XIRP2: variants seen among roughly 807,000 people sequenced by gnomAD.
XIRP2 encodes the protein xin actin binding repeat containing 2, also known as xin actin-binding repeat-containing protein 2.
Under a neutral mutation model 277.0 loss-of-function variants are expected in XIRP2, and 236 were observed. That is an observed-to-expected ratio of 0.85 (90% CI 0.77 to 0.95). The LOEUF is 0.95. Among genes scored for constraint, XIRP2 ranks in the 40% least tolerant of loss-of-function variants. The probability of loss-of-function intolerance (pLI) is 0.00; values close to 1 mark genes in which losing one functional copy is unlikely to be tolerated. For missense variants in XIRP2, 4,640 were observed against 4,157.5 expected (o/e 1.12, Z -3.19); for synonymous variants, 1,490 against 1,416.5 (o/e 1.05, Z -1.17).
At chr2:166,975,205 TTTA>T (rs1403566926) in intron 2 of XIRP2, among the ~76,000 whole-genome samples, 1 of 152,190 alleles carries the variant, frequency 6.6e-6, no homozygotes, top group Non-Finnish European at 1.5e-5. Flanking sequence ...AGTTGATGAT[TTTA>T]ACAGCTTTCT....
At chr2:166,911,468 C>G (rs1368101991) in intron 2 of XIRP2, among the ~76,000 whole-genome samples, 5 of 152,146 alleles carry the variant, frequency 3.3e-5, no homozygotes, top group Non-Finnish European at 5.9e-5. Context: ...CTTGGTAGAT[C>G]TTCCTTCATC....
Position 167,258,870 on chromosome 2 carries a change from T to C in XIRP2, c.*1053T>C. 6.2e-7 allele frequency: 1 copy of C among 1,613,256 alleles called. No homozygotes were observed. Among genetic ancestry groups the C allele is most frequent in the Non-Finnish European group, 8.5e-7 (1 of 1,179,618 alleles). ...TCTGAAAAGACTTATTCGAGGAATG[T>C]ACTAGCAATGGCTCTGAAGAAACAG... On this transcript the variant is annotated 3_prime_UTR_variant, in exon 11 of 11. Coordinates refer to ENST00000409195, the MANE Select transcript of XIRP2 (RefSeq NM_152381.6).
intron 3 of XIRP2, among the ~76,000 whole-genome samples, chr2:167,194,601 G>T (rs1430607471): frequency 6.6e-6 from 1 of 152,050 alleles, no homozygotes; most frequent in South Asian, 2.1e-4. Context: ...GCCAGAAGAG[G>T]TTCCAAATGA....
chr2:167,039,462 C>T (rs1688605211), intron 2 of XIRP2, among the ~76,000 whole-genome samples: 1 of 152,136 alleles, frequency 6.6e-6, no homozygotes, highest in Admixed American at 6.6e-5. Flanking sequence ...AATTTTGAGG[C>T]AGGTCAAGAG....
At position 166,903,669 on chromosome 2, in the gene XIRP2, C is replaced by G; in HGVS notation, c.187C>G (p.Pro63Ala). 6.2e-7 allele frequency: 1 copy of G among 1,613,604 alleles called. No homozygotes were observed. The highest frequency in any genetic ancestry group is 8.5e-7 in the Non-Finnish European group (1 of 1,179,770). ...APQSLDPTSL[P>A]YSTGEEMWSS... Reference sequence around the variant, plus strand: ...TCAATCTTTGGATCCCACAAGTCTGCCCTACAGTACAGGGGAAGAGATGTG... The same window carrying G: ...TCAATCTTTGGATCCCACAAGTCTGGCCTACAGTACAGGGGAAGAGATGTG... Residue 63 changes from proline to alanine, a missense_variant, in exon 2 of 11, where the codon CCC becomes GCC. Pro to Ala is a conservative substitution (Grantham distance 27). Coordinates refer to ENST00000409195, the MANE Select transcript of XIRP2 (RefSeq NM_152381.6).
intron 2 of XIRP2, among the ~76,000 whole-genome samples, chr2:166,959,556 G>A (rs1686249597): frequency 6.6e-6 from 1 of 151,884 alleles, no homozygotes; most frequent in South Asian, 2.1e-4. Flanking sequence ...AAAGAAAACA[G>A]TATATAGGCA....
chr2:167,079,216 T>C (rs1310793283), intron 2 of XIRP2, among the ~76,000 whole-genome samples: 1 of 152,200 alleles, frequency 6.6e-6, no homozygotes, highest in Non-Finnish European at 1.5e-5. Flanking sequence ...GCCTACGTGA[T>C]TGTAGTGAAT....
chr2:167,036,419 A>G (rs1056491502), intron 2 of XIRP2, among the ~76,000 whole-genome samples: 15 of 152,126 alleles, frequency 9.9e-5, no homozygotes, highest in African/African-American at 3.1e-4. Context: ...TGGAGCTTTA[A>G]AATTTGACTG....
rs180990031 is a variant in XIRP2 at position 166,937,964 on chromosome 2, G to T, written c.408+34074G>T. Among the ~76,000 whole-genome samples, 322 of 151,758 alleles carry T rather than the reference G, an allele frequency of 2.1e-3. 3 individuals carry two copies. Among genetic ancestry groups the T allele is most frequent in the African/African-American group, 7.4e-3 (306 of 41,374 alleles). ...ATATCCCCTTTATCATTTTTTATTG[G>T]GTCTATTTGAATCTTCTCTCTTTTC... On this transcript the variant is annotated intron_variant, in intron 2 of 10. Coordinates refer to ENST00000409195, the MANE Select transcript of XIRP2 (RefSeq NM_152381.6).
chr2:167,027,482 G>T (rs1267585533), intron 2 of XIRP2, among the ~76,000 whole-genome samples: 1 of 151,814 alleles, frequency 6.6e-6, no homozygotes, highest in Non-Finnish European at 1.5e-5. Flanking sequence ...TAGTTTGATT[G>T]TCTGAAGCCT....
At chr2:167,216,200 A>G (rs1573966074) in intron 4 of XIRP2, among the ~76,000 whole-genome samples, 1 of 73,884 alleles carries the variant, frequency 1.4e-5, no homozygotes, top group Non-Finnish European at 2.7e-5. Context: ...CCTAGGCATT[A>G]CCATTCAGGA....
At chr2:167,212,716 T>C (rs1694090496) in intron 4 of XIRP2, among the ~76,000 whole-genome samples, 1 of 152,202 alleles carries the variant, frequency 6.6e-6, no homozygotes, top group African/African-American at 2.4e-5. Context: ...CTTCCCTAAA[T>C]GAGAAAGTAT....
intron 2 of XIRP2, among the ~76,000 whole-genome samples, chr2:166,929,423 C>G (rs1173765905): frequency 1.3e-5 from 2 of 152,046 alleles, no homozygotes; most frequent in Non-Finnish European, 2.9e-5. Flanking sequence ...TTTGTCCTTC[C>G]AAGATACCTC....
At chr2:167,027,216 T>A (rs918314017) in intron 2 of XIRP2, among the ~76,000 whole-genome samples, 2 of 152,140 alleles carry the variant, frequency 1.3e-5, no homozygotes, top group African/African-American at 4.8e-5. Context: ...TTTATTCTTT[T>A]TTCTCTAAAC....
intron 3 of XIRP2, among the ~76,000 whole-genome samples, chr2:167,202,765 T>G (rs1257885007): frequency 6.6e-6 from 1 of 152,168 alleles, no homozygotes; most frequent in Non-Finnish European, 1.5e-5. Context: ...TGCAACAGAT[T>G]CCAATAGCAC....
intron 3 of XIRP2, among the ~76,000 whole-genome samples, chr2:167,199,161 A>G (rs1379558487): frequency 6.6e-6 from 1 of 152,204 alleles, no homozygotes; most frequent in Non-Finnish European, 1.5e-5. Context: ...TAACCTTAAA[A>G]GAGGGATGAA....
intron 3 of XIRP2, among the ~76,000 whole-genome samples, chr2:167,149,795 G>A (rs1691961694): frequency 6.6e-6 from 1 of 151,898 alleles, no homozygotes; most frequent in Non-Finnish European, 1.5e-5. Flanking sequence ...TTTAAACTTT[G>A]TTCTGTTGCA....
intron 3 of XIRP2, among the ~76,000 whole-genome samples, chr2:167,156,935 C>T (rs149082141): frequency 2.3e-4 from 35 of 152,228 alleles, no homozygotes; most frequent in African/African-American, 7.9e-4. Context: ...TCTGGGTTTC[C>T]CTCTTCCAAG....
At chr2:166,921,377 G>A (rs1011029469) in intron 2 of XIRP2, among the ~76,000 whole-genome samples, 1 of 152,010 alleles carries the variant, frequency 6.6e-6, no homozygotes, top group Non-Finnish European at 1.5e-5. Context: ...ATCATTTGGT[G>A]TTCTCAGTAT....
Sources: allele counts gnomAD v4.1 joint callset (sites outside exome capture counted in the v4.1 genomes callset), GRCh38; gene constraint gnomAD v4.1.1; transcripts MANE v1.5; gene names NCBI Gene and HGNC (gene_info 2026-07-23, HGNC 2026-07-21).